The following KCTD20 variants were observed in gnomAD, a reference collection of about 807,000 sequenced individuals.
The protein encoded by KCTD20 is BTB/POZ domain-containing protein KCTD20.
A neutral mutation model predicts 39.6 loss-of-function variants in KCTD20; 30 were observed. The observed-to-expected ratio is 0.76, with a 90% CI of 0.57 to 1.03. The LOEUF (loss-of-function observed/expected upper bound fraction) is 1.03, where lower values mean the gene tolerates loss of function less well. KCTD20 is among the 50% of genes least tolerant of loss of function. The pLI is 0.00. For missense variants in KCTD20, 422 were observed against 522.0 expected, an observed-to-expected ratio of 0.81 and a Z score of 1.87; for synonymous variants, 162 against 180.6, an observed-to-expected ratio of 0.90 and a Z score of 0.83.
At chr6:36,486,046 A>G (rs1776409868) in intron 7 of KCTD20, among the ~76,000 whole-genome samples, 1 of 152,106 alleles carries the variant, frequency 6.6e-6, no homozygotes, top group Admixed American at 6.5e-5. Flanking sequence ...CAGAGACCAC[A>G]GGCATGCACC....
In KCTD20 at chr6:36,487,975, A is replaced by G. The variant is rs1408466502; in HGVS notation, c.*800A>G. 1 of 152,236 alleles carries G rather than the reference A, an allele frequency of 6.6e-6. No individual in the cohort carries two copies. The highest frequency in any genetic ancestry group is 6.5e-5 in the Admixed American group (1 of 15,284). 9.4% of individuals were successfully genotyped at this position (152,236 alleles called of 1,614,324 possible). A position where few individuals can be genotyped will look rare whatever the true frequency, so the allele number is the denominator to read the frequency against. On this transcript the variant is annotated 3_prime_UTR_variant, in exon 8 of 8. Coordinates refer to ENST00000373731, the MANE Select transcript of KCTD20 (RefSeq NM_173562.5). Reference sequence around the variant, plus strand: ...CTGGCTTGGAATCTGGTGTGAAACCATAGGTCTTAACACTCTGGAGCAGCA... The same window carrying G: ...CTGGCTTGGAATCTGGTGTGAAACCGTAGGTCTTAACACTCTGGAGCAGCA...
rs1209477347 is a variant in KCTD20, at chr6:36,488,114, C to T, written c.*939C>T. On this transcript the variant is annotated 3_prime_UTR_variant, in exon 8 of 8. Coordinates refer to ENST00000373731, the MANE Select transcript of KCTD20 (RefSeq NM_173562.5). ...TCAACAGAAAGACTCATAAGAGTGCCAGCATGGGGTACATGGAGTGAAGCT... is the reference window on the plus strand; with the variant it reads ...TCAACAGAAAGACTCATAAGAGTGCTAGCATGGGGTACATGGAGTGAAGCT... The T allele has an allele frequency of 3.3e-5, 5 of 152,244 alleles. No individual in the cohort carries two copies. Among genetic ancestry groups the T allele is most frequent in the Non-Finnish European group, 7.3e-5 (5 of 68,066 alleles). The allele number at this position is 152,244 out of a possible 1,614,324, so 9.4% of individuals were successfully genotyped here.
At chr6:36,478,292 T>C (rs960895261) in intron 3 of KCTD20, among the ~76,000 whole-genome samples, 21 of 152,082 alleles carry the variant, frequency 1.4e-4, no homozygotes, top group Non-Finnish European at 2.6e-4. Context: ...ATTCCACAGC[T>C]CATACACAGA....
intron 3 of KCTD20, 138 bp downstream of exon 3, chr6:36,475,200 C>T (rs549160773): frequency 1.2e-6 from 1 of 807,788 alleles, no homozygotes; most frequent in Non-Finnish European, 1.9e-6. Flanking sequence ...AATCCCAGCA[C>T]TTTGGGAGGT....
At chr6:36,486,709 A>T (rs1776432960) in intron 7 of KCTD20, among the ~76,000 whole-genome samples, 174 bp from the exon 8 acceptor site, 1 of 152,202 alleles carries the variant, frequency 6.6e-6, no homozygotes, top group Non-Finnish European at 1.5e-5. Context: ...CCAGGAAGGA[A>T]ATGAACATGT....
intron 2 of KCTD20, among the ~76,000 whole-genome samples, chr6:36,472,217 T>G (rs1775932941): frequency 2.0e-5 from 3 of 152,136 alleles, no homozygotes; most frequent in African/African-American, 7.2e-5. Context: ...TCAAAGTGGG[T>G]TGCCTGTGGG....
At chr6:36,461,504 C>A (rs1775598115) in intron 1 of KCTD20, among the ~76,000 whole-genome samples, 1 of 151,930 alleles carries the variant, frequency 6.6e-6, no homozygotes, top group South Asian at 2.1e-4. Context: ...ATATGTAGTA[C>A]ATTAATATTT....
At chr6:36,456,502 C>G (rs1775438472) in intron 1 of KCTD20, among the ~76,000 whole-genome samples, 1 of 151,376 alleles carries the variant, frequency 6.6e-6, no homozygotes, top group Admixed American at 6.6e-5. Flanking sequence ...TGGTCTCGAA[C>G]TCCTGACCTT....
At chr6:36,453,232 G>C (rs963020419) in intron 1 of KCTD20, among the ~76,000 whole-genome samples, 1 of 151,276 alleles carries the variant, frequency 6.6e-6, no homozygotes, top group African/African-American at 2.4e-5. Context: ...GGCTGGTCTT[G>C]AACTCCTGAC....
chr6:36,457,445 C>T (rs756248935), intron 1 of KCTD20, among the ~76,000 whole-genome samples: 1 of 152,124 alleles, frequency 6.6e-6, no homozygotes, highest in Non-Finnish European at 1.5e-5. Flanking sequence ...CGGGGACTCA[C>T]GCCTATAATT....
At chr6:36,450,163 T>C (rs1478395672) in intron 1 of KCTD20, among the ~76,000 whole-genome samples, 2 of 105,864 alleles carry the variant, frequency 1.9e-5, no homozygotes, top group Non-Finnish European at 1.7e-5. Context: ...GACTCCGTCC[T>C]AAAAAAAAAA....
chr6:36,471,094 T>A (rs550376457), intron 2 of KCTD20, among the ~76,000 whole-genome samples: 1 of 147,734 alleles, frequency 6.8e-6, no homozygotes, highest in Admixed American at 6.9e-5. Flanking sequence ...GAGGTTGCAG[T>A]GAGCCAAGAT....
At chr6:36,466,806 C>T (rs1014728395) in intron 1 of KCTD20, among the ~76,000 whole-genome samples, 14 of 151,966 alleles carry the variant, frequency 9.2e-5, no homozygotes, top group African/African-American at 2.9e-4. Context: ...TTGAATGAAG[C>T]GTCCATGCTG....
At chr6:36,458,402 G>A (rs527594890) in intron 1 of KCTD20, among the ~76,000 whole-genome samples, 22 of 151,788 alleles carry the variant, frequency 1.4e-4, no homozygotes, top group Non-Finnish European at 2.2e-4. Context: ...TTAGCCGGGC[G>A]TGGTGGTGCA....
chr6:36,447,578 C>A (rs1016093856), intron 1 of KCTD20, among the ~76,000 whole-genome samples: 3 of 151,036 alleles, frequency 2.0e-5, no homozygotes, highest in African/African-American at 7.3e-5. Context: ...TTCAGTGAGC[C>A]AAGATCGCAC....
intron 3 of KCTD20, among the ~76,000 whole-genome samples, chr6:36,478,438 A>C (rs1046896443): frequency 2.0e-5 from 3 of 152,188 alleles, no homozygotes; most frequent in African/African-American, 7.2e-5. Flanking sequence ...GCTGACAGCA[A>C]GCCTGTCTCT....
intron 2 of KCTD20, 152 bp downstream of exon 2, chr6:36,470,409 G>A: frequency 1.5e-6 from 1 of 688,382 alleles, no homozygotes. Context: ...GACCTTCACA[G>A]AAACTCTCCA....
chr6:36,447,546 C>T (rs955544882), intron 1 of KCTD20, among the ~76,000 whole-genome samples: 1 of 151,720 alleles, frequency 6.6e-6, no homozygotes, highest in Non-Finnish European at 1.5e-5. Context: ...ATAAGCATTG[C>T]TTGAATCTGG....
chr6:36,476,823 C>A (rs1776078789), intron 3 of KCTD20, among the ~76,000 whole-genome samples: 1 of 152,210 alleles, frequency 6.6e-6, no homozygotes, highest in South Asian at 2.1e-4. Context: ...ATTTTCCAGA[C>A]TGGCCCTCTA....
Sources: gnomAD v4.1 joint callset for allele counts (sites outside exome capture counted in the v4.1 genomes callset) on GRCh38, gnomAD v4.1.1 for gene constraint, MANE v1.5 for transcripts, NCBI Gene and HGNC (gene_info 2026-07-23, HGNC 2026-07-21) for gene names.